ZNF681: variants seen among roughly 807,000 people sequenced by gnomAD.
ZNF681 encodes the protein hypothetical protein FLJ31526.
Under a neutral mutation model 56.0 loss-of-function variants are expected in ZNF681, and 37 were observed. That is an observed-to-expected ratio of 0.66 (90% confidence interval 0.51 to 0.87). The LOEUF (loss-of-function observed/expected upper bound fraction) is 0.87, where lower values mean the gene tolerates loss of function less well. ZNF681 is among the 40% of genes least tolerant of loss of function. The pLI, the probability that ZNF681 is intolerant of heterozygous loss-of-function variation, is 0.00. For missense variants in ZNF681, 741 were observed against 744.9 expected, an observed-to-expected ratio of 0.99 and a Z score of 0.06; for synonymous variants, 225 against 248.6, an observed-to-expected ratio of 0.91 and a Z score of 0.89.
At chr19:23,749,303 TAGA>T (rs757313607) in intron 3 of ZNF681, among the ~76,000 whole-genome samples, 8 of 150,368 alleles carry the variant, frequency 5.3e-5, no homozygotes, top group African/African-American at 1.7e-4. Flanking sequence ...AAACAGAAAG[TAGA>T]AGGATATTTG....
At chr19:23,754,754 T>TTTATAATCACATTATA in intron 3 of ZNF681, 69 bp downstream of exon 3, 4 of 1,249,480 alleles carry the variant, frequency 3.2e-6, no homozygotes, top group Non-Finnish European at 4.7e-6. Flanking sequence ...TTATAAGCAC[T>TTTATAATCACATTATA]AGCTTTTTCT....
chr19:23,752,715 A>G (rs894492500), intron 3 of ZNF681, among the ~76,000 whole-genome samples: 3 of 152,218 alleles, frequency 2.0e-5, no homozygotes, highest in African/African-American at 7.2e-5. Flanking sequence ...CTACAAACCC[A>G]GAGGGCATCT....
At chr19:23,752,068 C>T (rs1969040793) in intron 3 of ZNF681, among the ~76,000 whole-genome samples, 1 of 152,134 alleles carries the variant, frequency 6.6e-6, no homozygotes, top group Non-Finnish European at 1.5e-5. Flanking sequence ...AATTAAGTGC[C>T]TTTAGGAGAG....
intron 3 of ZNF681, among the ~76,000 whole-genome samples, chr19:23,750,308 A>C (rs113731206): frequency 0.53 from 68,112 of 129,696 alleles, 20,619 homozygotes; most frequent in East Asian, 0.79. Flanking sequence ...AAAAAACCAA[A>C]AAACAACTAA....
intron 3 of ZNF681, among the ~76,000 whole-genome samples, chr19:23,751,950 G>A (rs1226776131): frequency 1.3e-5 from 2 of 152,186 alleles, no homozygotes; most frequent in Non-Finnish European, 2.9e-5. Context: ...GCCTCCCAGA[G>A]TGCTGGGATT....
At chr19:23,746,124 G>A (rs952232443) in intron 3 of ZNF681, among the ~76,000 whole-genome samples, 5 of 152,054 alleles carry the variant, frequency 3.3e-5, no homozygotes, top group Admixed American at 6.6e-5. Flanking sequence ...AGACCAGCCT[G>A]GCCAACATGG....
intron 1 of ZNF681, among the ~76,000 whole-genome samples, chr19:23,757,024 C>A (rs1969131405): frequency 6.6e-6 from 1 of 151,896 alleles, no homozygotes; most frequent in Non-Finnish European, 1.5e-5. Flanking sequence ...ATGTCCGCCA[C>A]CATGCCTGGC....
Position 23,744,767 on chromosome 19 carries a change from T to C in ZNF681, c.783A>G (p.Lys261=). Residue 261 remains lysine, a synonymous_variant, in exon 4 of 4, where the codon AAA becomes AAG. Coordinates refer to ENST00000402377, the MANE Select transcript of ZNF681 (RefSeq NM_138286.3). ...DKLYKREECS[K]AFNLSSHITT... ...TAATGTGTGACGACAGGTTAAAGGCTTTGCTACATTCTTCACGTTTGTAGA... is the reference window on the plus strand; with the variant it reads ...TAATGTGTGACGACAGGTTAAAGGCCTTGCTACATTCTTCACGTTTGTAGA... The C allele has an allele frequency of 6.2e-7, 1 of 1,613,078 alleles. No individual in the cohort carries two copies. The highest frequency in any genetic ancestry group is 8.5e-7 in the Non-Finnish European group (1 of 1,179,472).
At position 23,743,808 on chromosome 19, in the gene ZNF681, T is replaced by G; in HGVS notation, c.1742A>C (p.Lys581Thr). ...GGGTTTCTCTCCAGTATGAATTCTC[T>G]TATGTCTAGTAAGGTGTGAGGACTG... ...FNQSSHLTRHKRIHTGEKPYQ... is the reference protein window; with the variant it reads ...FNQSSHLTRHTRIHTGEKPYQ... The change falls in exon 4 of 4, where the codon AAG (lysine) becomes ACG (threonine). Residue 581 changes from lysine (K) to threonine (T), a missense_variant. Coordinates refer to ENST00000402377, the MANE Select transcript of ZNF681 (RefSeq NM_138286.3). 6.2e-7 allele frequency: 1 copy of G among 1,613,500 alleles called. No individual in the cohort carries two copies. Among genetic ancestry groups the G allele is most frequent in the South Asian group, 1.1e-5 (1 of 91,040 alleles).
Position 23,744,355 on chromosome 19 carries a change from A to T in ZNF681, c.1195T>A (p.Cys399Ser), listed in dbSNP as rs779554954. ...TGEKPYKCEECGKAFNKSSHL... is the reference protein window; with the variant it reads ...TGEKPYKCEESGKAFNKSSHL... ...GAGGACTTGTTAAAAGCTTTGCCAC[A>T]TTCTTCACATTTGTAGGGTTTCTCT... is the stretch of plus-strand genomic sequence containing the variant. The change falls in exon 4 of 4, where the codon TGT becomes AGT. Residue 399 changes from cysteine to serine, a missense_variant. Transcript: ENST00000402377. 6.8e-6 allele frequency: 11 copies of T among 1,613,804 alleles called. No homozygotes were observed. The highest frequency in any genetic ancestry group is 7.6e-6 in the Non-Finnish European group (9 of 1,179,958).
Position 23,749,117 on chromosome 19 carries a change from A to G in ZNF681, c.227-3794T>C, listed in dbSNP as rs566965848. Among the ~76,000 whole-genome samples, 9 of 152,344 alleles carry G rather than the reference A, an allele frequency of 5.9e-5. No individual in the cohort carries two copies. In the South Asian group the frequency reaches 1.9e-3, roughly 32 times the overall value. On this transcript the variant is annotated intron_variant, in intron 3 of 3. Coordinates refer to ENST00000402377, the MANE Select transcript of ZNF681 (RefSeq NM_138286.3). ...CAACCCTTTCTTGACTTACAAATAC[A>G]TCAAAAAATGTAACATATAAATACA...
chr19:23,757,233 A>T (rs1969136079), intron 1 of ZNF681, among the ~76,000 whole-genome samples: 1 of 152,078 alleles, frequency 6.6e-6, no homozygotes, highest in Non-Finnish European at 1.5e-5. Flanking sequence ...CAAAAAGAAA[A>T]AGAAAAAAAA....
rs1458731156 is a variant in ZNF681 at position 23,742,892 on chromosome 19, T to C, written c.*720A>G. The C allele has an allele frequency of 6.6e-6, 1 of 152,200 alleles. No individual in the cohort carries two copies. Among genetic ancestry groups the C allele is most frequent in the Non-Finnish European group, 1.5e-5 (1 of 68,036 alleles). 9.4% of individuals were successfully genotyped at this position (152,200 alleles called of 1,614,324 possible). A position where few individuals can be genotyped will look rare whatever the true frequency, so the allele number is the denominator to read the frequency against. On this transcript the variant is annotated 3_prime_UTR_variant, in exon 4 of 4. Coordinates refer to ENST00000402377, the MANE Select transcript of ZNF681 (RefSeq NM_138286.3). Reference sequence around the variant, plus strand: ...TGCAAAAATTTTCTACTTCTTATAATGTTATATACAAATAATTCATTTACC... The same window carrying C: ...TGCAAAAATTTTCTACTTCTTATAACGTTATATACAAATAATTCATTTACC...
intron 3 of ZNF681, among the ~76,000 whole-genome samples, chr19:23,753,244 C>T (rs1969059599): frequency 1.3e-5 from 2 of 152,244 alleles, no homozygotes; most frequent in Admixed American, 1.3e-4. Flanking sequence ...ACTAAAAATA[C>T]AAAAATTAGC....
intron 1 of ZNF681, among the ~76,000 whole-genome samples, chr19:23,758,209 T>G (rs1378949388): frequency 6.6e-6 from 1 of 152,186 alleles, no homozygotes; most frequent in Non-Finnish European, 1.5e-5. Context: ...GTAGGGACCA[T>G]GACTGCTTCA....
At chr19:23,753,494 T>A (rs1568312106) in intron 3 of ZNF681, among the ~76,000 whole-genome samples, 2 of 152,300 alleles carry the variant, frequency 1.3e-5, no homozygotes, top group Non-Finnish European at 1.5e-5. Context: ...GATATATCAA[T>A]GAGAGAAATT....
intron 1 of ZNF681, among the ~76,000 whole-genome samples, chr19:23,758,341 G>A (rs1175037000): frequency 6.6e-6 from 1 of 152,166 alleles, no homozygotes; most frequent in African/African-American, 2.4e-5. Flanking sequence ...TTACACGCGC[G>A]AGCCACCGCG....
chr19:23,757,394 T>TA (rs1410465324), intron 1 of ZNF681, among the ~76,000 whole-genome samples: 1 of 151,978 alleles, frequency 6.6e-6, no homozygotes, highest in Non-Finnish European at 1.5e-5. Context: ...TGATTTTTTT[T>TA]AAAAAGTATA....
chr19:23,757,996 T>C (rs1969148975), intron 1 of ZNF681, among the ~76,000 whole-genome samples: 2 of 152,210 alleles, frequency 1.3e-5, no homozygotes, highest in South Asian at 2.1e-4. Flanking sequence ...AAGATAAATA[T>C]GTATTAACAA....
Sources: gnomAD v4.1 joint callset for allele counts (sites outside exome capture counted in the v4.1 genomes callset) on GRCh38, gnomAD v4.1.1 for gene constraint, MANE v1.5 for transcripts, NCBI Gene and HGNC (gene_info 2026-07-23, HGNC 2026-07-21) for gene names.